Variants in SMIM23 observed in about 807,000 individuals in gnomAD.
The protein encoded by SMIM23 is CTB-78H18.1.
In SMIM23, 10 loss-of-function variants were observed where a neutral mutation model predicts 12.8. The observed-to-expected ratio is 0.78, with a 90% CI of 0.48 to 1.32. SMIM23 has a LOEUF of 1.32. Among genes scored for constraint, SMIM23 ranks in the 40% most tolerant of loss-of-function variants. The pLI, the probability that SMIM23 is intolerant of heterozygous loss-of-function variation, is 0.00. For missense variants in SMIM23, 184 were observed against 198.2 expected (o/e 0.93, Z 0.43); for synonymous variants, 78 against 80.1 (o/e 0.97, Z 0.14).
At chr5:171,784,534 GAT>G (rs61203838), upstream of SMIM23, among the ~76,000 whole-genome samples, 43,849 of 151,790 alleles carry the variant, frequency 0.29, 6,422 homozygotes, top group East Asian at 0.4. Flanking sequence ...AGTGTAAACA[GAT>G]ATTGGTGGGG....
At chr5:171,788,197 CAT>C (rs1007385369) in intron 1 of SMIM23, among the ~76,000 whole-genome samples, 15 of 147,982 alleles carry the variant, frequency 1.0e-4, no homozygotes, top group African/African-American at 3.9e-4. Flanking sequence ...CACACACACA[CAT>C]ATTTGAAAAA....
At chr5:171,773,824 T>G in the SMIM23 span, 1 of 456,372 alleles carries the variant, frequency 2.2e-6, no homozygotes, top group Non-Finnish European at 4.4e-6. Context: ...CTAGATTGTA[T>G]GAGAAAGCTC....
At chr5:171,778,954 C>T (rs1192009447), upstream of SMIM23, among the ~76,000 whole-genome samples, 1 of 152,184 alleles carries the variant, frequency 6.6e-6, no homozygotes, top group Non-Finnish European at 1.5e-5. Context: ...GTCCCTCTCT[C>T]CTCTCCAAGA....
At chr5:171,783,930 G>A (rs899790189), upstream of SMIM23, among the ~76,000 whole-genome samples, 1 of 152,124 alleles carries the variant, frequency 6.6e-6, no homozygotes, top group African/African-American at 2.4e-5. Context: ...GGGTGCAGAT[G>A]GCAAATAAGC....
At chr5:171,784,579 A>C (rs886739765), upstream of SMIM23, among the ~76,000 whole-genome samples, 5 of 152,186 alleles carry the variant, frequency 3.3e-5, no homozygotes, top group African/African-American at 9.6e-5. Context: ...ATACACTGTT[A>C]ATGAGAATGT....
upstream of SMIM23, among the ~76,000 whole-genome samples, chr5:171,777,552 C>T (rs182908124): frequency 2.4e-4 from 37 of 152,332 alleles, no homozygotes; most frequent in African/African-American, 8.7e-4. Flanking sequence ...CCAGCCTCTG[C>T]TTGCCACAGT....
chr5:171,778,831 A>AT (rs1411226521), upstream of SMIM23, among the ~76,000 whole-genome samples: 2 of 152,202 alleles, frequency 1.3e-5, no homozygotes, highest in Admixed American at 6.5e-5. Flanking sequence ...CAGGGTATAC[A>AT]TTTACCCCAG....
chr5:171,777,428 T>C, the SMIM23 span, among the ~76,000 whole-genome samples: 1 of 152,236 alleles, frequency 6.6e-6, no homozygotes, highest in South Asian at 2.1e-4. Flanking sequence ...TTTAGCCCTC[T>C]GGTTACGGGG....
upstream of SMIM23, among the ~76,000 whole-genome samples, chr5:171,782,072 C>G (rs918883714): frequency 6.6e-6 from 1 of 152,310 alleles, no homozygotes; most frequent in African/African-American, 2.4e-5. Flanking sequence ...GTTGTGGAAG[C>G]TTTGTTGTTT....
At position 171,790,556 on chromosome 5, in the gene SMIM23, T is replaced by C; in HGVS notation, c.225+7T>C. The C allele has an allele frequency of 3.3e-6, 5 of 1,536,606 alleles. No homozygotes were observed. Among genetic ancestry groups the C allele is most frequent in the Non-Finnish European group, 4.4e-6 (5 of 1,146,922 alleles). On this transcript the variant is annotated splice_region_variant and intron_variant, in intron 3 of 3. Transcript: ENST00000523047. ...GAATCTTGCAGTTCCCCAGGTAACA[T>C]GTCCAGCAAGGTACTGAGGTGAGGC...
intron 1 of SMIM23, among the ~76,000 whole-genome samples, chr5:171,789,542 G>A (rs1451433667): frequency 6.6e-6 from 1 of 152,210 alleles, no homozygotes; most frequent in Non-Finnish European, 1.5e-5. Flanking sequence ...AACAGGTAAA[G>A]AGACTGATTG....
At chr5:171,782,713 C>T (rs1341875939), upstream of SMIM23, 2 of 152,246 alleles carry the variant, frequency 1.3e-5, no homozygotes, top group Non-Finnish European at 1.5e-5. Context: ...TTCCTGGCCT[C>T]TCAGAGCCTG....
At chr5:171,783,681 A>G (rs541027826), upstream of SMIM23, among the ~76,000 whole-genome samples, 130 of 152,368 alleles carry the variant, frequency 8.5e-4, no homozygotes, top group African/African-American at 3.1e-3. Context: ...AAAGAGCACA[A>G]TTCATAAAAG....
upstream of SMIM23, among the ~76,000 whole-genome samples, chr5:171,784,011 G>A (rs1207200634): frequency 6.6e-6 from 1 of 152,286 alleles, no homozygotes; most frequent in East Asian, 1.9e-4. Flanking sequence ...GGAGCCCGAG[G>A]TGGGAGGATT....
At chr5:171,776,946 G>A in the SMIM23 span, among the ~76,000 whole-genome samples, 195 of 152,228 alleles carry the variant, frequency 1.3e-3, 1 homozygote, top group African/African-American at 4.5e-3. Context: ...GAGCCCTGCC[G>A]TTGATTCATT....
At chr5:171,784,055 AACATAGCAAG>A (rs1429169603), upstream of SMIM23, among the ~76,000 whole-genome samples, 9 of 152,186 alleles carry the variant, frequency 5.9e-5, no homozygotes, top group African/African-American at 1.9e-4. Context: ...CAGCCTGGGA[AACATAGCAAG>A]ACACTGTCTC....
At chr5:171,785,669 G>C (rs902311216), upstream of SMIM23, among the ~76,000 whole-genome samples, 3 of 152,104 alleles carry the variant, frequency 2.0e-5, no homozygotes, top group Non-Finnish European at 4.4e-5. Flanking sequence ...CCTGATCTTT[G>C]TTTTCTACAC....
At chr5:171,783,512 CA>C (rs917031327), upstream of SMIM23, among the ~76,000 whole-genome samples, 4 of 151,994 alleles carry the variant, frequency 2.6e-5, no homozygotes, top group African/African-American at 9.7e-5. Context: ...CATCCATAAG[CA>C]AAAAAATTAA....
upstream of SMIM23, among the ~76,000 whole-genome samples, chr5:171,781,262 C>T (rs981790453): frequency 6.6e-6 from 1 of 152,204 alleles, no homozygotes; most frequent in Non-Finnish European, 1.5e-5. Flanking sequence ...ATAGATGCTG[C>T]AGTTGTGCCA....
Sources: gnomAD v4.1 joint callset for allele counts (sites outside exome capture counted in the v4.1 genomes callset) on GRCh38, gnomAD v4.1.1 for gene constraint, MANE v1.5 for transcripts, NCBI Gene and HGNC (gene_info 2026-07-23, HGNC 2026-07-21) for gene names.